Variants in EPSTI1 observed in about 807,000 individuals in gnomAD.
EPSTI1 encodes epithelial stromal interaction 1.
In EPSTI1, 66 loss-of-function variants were observed where a neutral mutation model predicts 49.9. The ratio of observed to expected loss-of-function variants is 1.32; its 90% CI spans 1.08 to 1.62. The LOEUF (loss-of-function observed/expected upper bound fraction) is 1.62, where lower values mean the gene tolerates loss of function less well. EPSTI1 is among the 40% of genes most tolerant of loss of function. The pLI is 0.00. For synonymous variants in EPSTI1, 137 were observed against 130.7 expected (o/e 1.05, Z -0.33); for missense variants, 394 against 365.5 (o/e 1.08, Z -0.64).
chr13:42,960,023 A>AG (rs5803157), intron 5 of EPSTI1, among the ~76,000 whole-genome samples: 109,839 of 151,834 alleles, frequency 0.72, 40,776 homozygotes, highest in Middle Eastern at 0.87. Flanking sequence ...TAAAGCATAC[A>AG]AAGGATGTAC....
Position 42,926,423 on chromosome 13 carries a change from G to A in EPSTI1, c.570C>T (p.Thr190=), listed in dbSNP as rs747264404. The change falls in exon 7 of 11, where the codon ACC becomes ACT. Residue 190 remains threonine, a synonymous_variant. Coordinates refer to ENST00000313624, the MANE Select transcript of EPSTI1 (RefSeq NM_033255.5). ...TGTTCAGTTTGCTCAAGAACTCAGC[G>A]GTTTTGCTACCAGAAACACAAACAG... is the stretch of plus-strand genomic sequence containing the variant. ...EAFREHQQYK[T]AEFLSKLNTE... is the part of the protein sequence containing the mutation. 9 of 1,607,886 alleles carry A rather than the reference G, an allele frequency of 5.6e-6. No individual in the cohort carries two copies. The highest frequency in any genetic ancestry group is 6.8e-6 in the Non-Finnish European group (8 of 1,174,448).
intron 7 of EPSTI1, among the ~76,000 whole-genome samples, chr13:42,921,440 C>T (rs1051854472): frequency 1.3e-5 from 2 of 152,088 alleles, no homozygotes; most frequent in Non-Finnish European, 1.5e-5. Flanking sequence ...CATGGAAGGA[C>T]CTGAACATGT....
At chr13:42,934,440 T>A (rs2038487768) in intron 6 of EPSTI1, 1 of 153,122 alleles carries the variant, frequency 6.5e-6, no homozygotes, top group African/African-American at 2.4e-5. Flanking sequence ...TACCTCTTGA[T>A]GTTGACGGCT....
In EPSTI1 at chr13:42,917,642, G is replaced by GA. The variant is rs71202243; in HGVS notation, c.658-19dup. ...CTTCTGGCCTGTAAAGGTACAAAGA[G>GA]AAAAAAAAAAAAAAAAACAACTTGA... On this transcript the variant is annotated intron_variant, in intron 7 of 10. Transcript: ENST00000313624. The GA allele has an allele frequency of 0.21, 88,777 of 419,226 alleles. 8,849 individuals carry two copies. Among genetic ancestry groups the GA allele is most frequent in the African/African-American group, 0.42 (17,279 of 41,348 alleles). 26.0% of individuals were successfully genotyped at this position (419,226 alleles called of 1,614,324 possible).
In EPSTI1 at chr13:42,926,414, G is replaced by T. The variant is rs1352595819; in HGVS notation, c.579C>A (p.Phe193Leu). ...GCGATTCTGTGTTCAGTTTGCTCAA[G>T]AACTCAGCGGTTTTGCTACCAGAAA... Reference protein sequence around the residue: ...REHQQYKTAEFLSKLNTESPD... With the variant: ...REHQQYKTAELLSKLNTESPD... Residue 193 changes from phenylalanine (F) to leucine (L), a missense_variant, in exon 7 of 11, where the codon TTC becomes TTA. By Grantham distance (22) the Phe-to-Leu change is conservative (BLOSUM62 0). Transcript: ENST00000313624. 6.2e-7 allele frequency: 1 copy of T among 1,612,260 alleles called. No homozygotes were observed. Among genetic ancestry groups the T allele is most frequent in the Non-Finnish European group, 8.5e-7 (1 of 1,178,408 alleles).
chr13:42,926,254 G>A (rs1464064551), intron 7 of EPSTI1, 82 bp downstream of exon 7: 3 of 841,120 alleles, frequency 3.6e-6, no homozygotes, highest in Non-Finnish European at 6.3e-6. Flanking sequence ...TGATGTACAA[G>A]TCACTCTATA....
At chr13:42,986,717 C>G (rs1198760292) in intron 1 of EPSTI1, among the ~76,000 whole-genome samples, 2 of 127,726 alleles carry the variant, frequency 1.6e-5, no homozygotes, top group African/African-American at 5.9e-5. Flanking sequence ...TGCACTACAG[C>G]CTGGGTGACA....
At chr13:42,963,509 C>T (rs1594738256) in intron 4 of EPSTI1, 171 bp from the exon 5 acceptor site, 4 of 588,838 alleles carry the variant, frequency 6.8e-6, no homozygotes, top group Admixed American at 3.3e-5. Flanking sequence ...GGCCGGGCTA[C>T]GTCTTCTGCC....
chr13:42,924,750 G>T (rs777528886), intron 7 of EPSTI1, among the ~76,000 whole-genome samples: 15 of 152,180 alleles, frequency 9.9e-5, no homozygotes, highest in Non-Finnish European at 2.2e-4. Context: ...GGCCCACACT[G>T]ATGAATTTAG....
chr13:42,933,328 AAAAAG>A (rs1369442805), intron 6 of EPSTI1, among the ~76,000 whole-genome samples: 1 of 151,760 alleles, frequency 6.6e-6, no homozygotes, highest in African/African-American at 2.4e-5. Context: ...AAAAAAAAAA[AAAAAG>A]AGTCTGCCTC....
At chr13:42,912,588 AAC>A (rs902052323) in intron 8 of EPSTI1, among the ~76,000 whole-genome samples, 7 of 152,250 alleles carry the variant, frequency 4.6e-5, no homozygotes, top group Non-Finnish European at 7.3e-5. Context: ...GAAAGAAAAA[AAC>A]AGTTAATATG....
chr13:42,890,114 C>T (rs950461908), intron 10 of EPSTI1, among the ~76,000 whole-genome samples: 1 of 152,076 alleles, frequency 6.6e-6, no homozygotes, highest in African/African-American at 2.4e-5. Flanking sequence ...ACAATTAAGT[C>T]CCCATATATA....
intron 8 of EPSTI1, among the ~76,000 whole-genome samples, chr13:42,904,525 G>A (rs1175115155): frequency 6.6e-6 from 1 of 152,126 alleles, no homozygotes; most frequent in African/African-American, 2.4e-5. Flanking sequence ...AACGTAAGAC[G>A]TATACATCTC....
chr13:42,986,979 T>G (rs930685572), intron 1 of EPSTI1, among the ~76,000 whole-genome samples: 1 of 152,140 alleles, frequency 6.6e-6, no homozygotes, highest in Non-Finnish European at 1.5e-5. Flanking sequence ...CACCTACCCC[T>G]TCATCTCCCA....
intron 4 of EPSTI1, 46 bp downstream of exon 4, chr13:42,964,014 GCTGGTA>G: frequency 6.8e-7 from 1 of 1,461,738 alleles, no homozygotes; most frequent in East Asian, 2.3e-5. Context: ...ACTTGTAAGA[GCTGGTA>G]CTCATATTCC....
In EPSTI1 at chr13:42,886,716, A is replaced by G. The variant is rs1462443380; in HGVS notation, c.*1778T>C. 2.0e-5 allele frequency: 3 copies of G among 152,180 alleles called. No individual in the cohort carries two copies. Among genetic ancestry groups the G allele is most frequent in the Non-Finnish European group, 2.9e-5 (2 of 68,032 alleles). 9.4% of individuals were successfully genotyped at this position (152,180 alleles called of 1,614,324 possible). ...CTACATAGATATTTGGTTAAGCAAGATGTTTATACCCCCACACATATTCTA... is the reference window on the plus strand; with the variant it reads ...CTACATAGATATTTGGTTAAGCAAGGTGTTTATACCCCCACACATATTCTA... On this transcript the variant is annotated 3_prime_UTR_variant, in exon 11 of 11. Coordinates refer to ENST00000313624, the MANE Select transcript of EPSTI1 (RefSeq NM_033255.5).
At chr13:42,923,571 A>T (rs1001350811) in intron 7 of EPSTI1, among the ~76,000 whole-genome samples, 1 of 152,144 alleles carries the variant, frequency 6.6e-6, no homozygotes, top group African/African-American at 2.4e-5. Context: ...AAAATAAATA[A>T]ATAAATAAAA....
chr13:42,943,223 G>GT (rs1481953545), intron 6 of EPSTI1, among the ~76,000 whole-genome samples: 1 of 152,148 alleles, frequency 6.6e-6, no homozygotes, highest in Admixed American at 6.5e-5. Context: ...ATTCCCCCAG[G>GT]TATAGCATGT....
chr13:42,955,029 C>A (rs936085591), intron 5 of EPSTI1, among the ~76,000 whole-genome samples: 2 of 152,048 alleles, frequency 1.3e-5, no homozygotes, highest in African/African-American at 4.8e-5. Flanking sequence ...TTACTAGTCC[C>A]ATTTTGAAAG....
Sources: gnomAD v4.1 joint callset for allele counts (sites outside exome capture counted in the v4.1 genomes callset) on GRCh38, gnomAD v4.1.1 for gene constraint, MANE v1.5 for transcripts, NCBI Gene and HGNC (gene_info 2026-07-23, HGNC 2026-07-21) for gene names.